Variants in LRBA observed in about 807,000 individuals in gnomAD.
The protein encoded by LRBA is lipopolysaccharide-responsive and beige-like anchor protein.
In LRBA, 176 loss-of-function variants were observed where a neutral mutation model predicts 330.0. That is an observed-to-expected ratio of 0.53 (90% CI 0.47 to 0.60). LRBA has a LOEUF of 0.60. Among genes scored for constraint, LRBA ranks in the 20% least tolerant of loss-of-function variants. LRBA has a pLI of 0.00. For synonymous variants in LRBA, 1,230 were observed against 1,193.0 expected, an observed-to-expected ratio of 1.03 and a Z score of -0.64; for missense variants, 3,259 against 3,444.8, an observed-to-expected ratio of 0.95 and a Z score of 1.35.
intron 40 of LRBA, among the ~76,000 whole-genome samples, chr4:150,511,561 C>T (rs942287232): frequency 2.0e-5 from 3 of 152,164 alleles, no homozygotes; most frequent in African/African-American, 4.8e-5. Flanking sequence ...TCAACGTGCA[C>T]CACCAAGGAG....
chr4:150,833,157 A>C (rs1267276886), intron 28 of LRBA, among the ~76,000 whole-genome samples: 1 of 152,066 alleles, frequency 6.6e-6, no homozygotes, highest in Non-Finnish European at 1.5e-5. Flanking sequence ...ATGAGAAAGA[A>C]GACAAACTAG....
chr4:150,962,543 T>G lies in LRBA; in HGVS notation c.217-33478A>C, dbSNP rs1053466383. ...ACCAGAGTGATAAATACCATCAAAATAATACAGGAAAGCATAGAACTTTAA... is the reference window on the plus strand; with the variant it reads ...ACCAGAGTGATAAATACCATCAAAAGAATACAGGAAAGCATAGAACTTTAA... On this transcript the variant is annotated intron_variant, in intron 2 of 56. Coordinates refer to ENST00000651943, the MANE Select transcript of LRBA (RefSeq NM_001364905.1). Among the ~76,000 whole-genome samples, 3 of 147,756 alleles carry G rather than the reference T, an allele frequency of 2.0e-5. No individual in the cohort carries two copies. The South Asian group carries it at 6.3e-4, about 31-fold the overall frequency.
rs556087030 is a variant in LRBA at position 150,682,338 on chromosome 4, G to A, written c.5921+1213C>T. ...AAGGCACCAGAGATCACTGACCCAT[G>A]AATAGATGTTATTTCCATAACCACT... On this transcript the variant is annotated intron_variant, in intron 37 of 56. Coordinates refer to ENST00000651943, the MANE Select transcript of LRBA (RefSeq NM_001364905.1). 2.0e-3 allele frequency among the ~76,000 whole-genome samples: 299 copies of A among 152,246 alleles called. 2 individuals are homozygous for A. The highest frequency in any genetic ancestry group is 7.0e-3 in the African/African-American group (291 of 41,558).
chr4:150,864,942 C>T (rs1202257955), intron 22 of LRBA, among the ~76,000 whole-genome samples: 2 of 152,044 alleles, frequency 1.3e-5, no homozygotes, highest in Admixed American at 6.6e-5. Flanking sequence ...GGCCTCCCTC[C>T]CAAGGTCTTT....
intron 46 of LRBA, among the ~76,000 whole-genome samples, chr4:150,424,611 G>A (rs752641246): frequency 6.6e-6 from 1 of 151,242 alleles, no homozygotes; most frequent in African/African-American, 2.4e-5. Flanking sequence ...CAGGGAGCAC[G>A]TGCGCGCGTG....
chr4:150,955,627 C>A (rs1054058084), intron 2 of LRBA, among the ~76,000 whole-genome samples: 3 of 148,312 alleles, frequency 2.0e-5, no homozygotes, highest in Non-Finnish European at 2.9e-5. Flanking sequence ...CGCCGTGGCT[C>A]ACACCTGTAA....
At chr4:150,914,034 TAC>T (rs1732296047) in intron 9 of LRBA, among the ~76,000 whole-genome samples, 159 bp downstream of exon 9, 2 of 152,234 alleles carry the variant, frequency 1.3e-5, no homozygotes, top group African/African-American at 4.8e-5. Context: ...TTTCAAAATG[TAC>T]AGTTATTATT....
chr4:150,311,498 A>T (rs534160749), intron 51 of LRBA: 19 of 152,324 alleles, frequency 1.2e-4, no homozygotes, highest in African/African-American at 3.8e-4. Context: ...ACAGAAGAAA[A>T]AAAAGTATTC....
intron 28 of LRBA, among the ~76,000 whole-genome samples, chr4:150,835,963 G>A (rs2126846691): frequency 6.6e-6 from 1 of 152,236 alleles, no homozygotes; most frequent in South Asian, 2.1e-4. Flanking sequence ...TTATTATTTT[G>A]AGATACGTCC....
At chr4:150,961,484 G>A (rs551592077) in intron 2 of LRBA, among the ~76,000 whole-genome samples, 1 of 149,130 alleles carries the variant, frequency 6.7e-6, no homozygotes, top group East Asian at 1.9e-4. Flanking sequence ...AATCAACATT[G>A]ATATATTTCA....
chr4:150,763,768 T>G (rs887166035), intron 34 of LRBA, among the ~76,000 whole-genome samples: 1 of 151,240 alleles, frequency 6.6e-6, no homozygotes, highest in Admixed American at 6.6e-5. Flanking sequence ...ACAAGAACAG[T>G]AGAACAGGAA....
intron 48 of LRBA, among the ~76,000 whole-genome samples, chr4:150,328,825 G>A (rs551996203): frequency 2.6e-5 from 4 of 152,070 alleles, no homozygotes; most frequent in Non-Finnish European, 5.9e-5. Context: ...GGGCAGTAAC[G>A]CCAACTATGA....
intron 10 of LRBA, 55 bp from the exon 11 acceptor site, chr4:150,908,522 T>A: frequency 1.3e-6 from 2 of 1,524,160 alleles, no homozygotes; most frequent in South Asian, 2.5e-5. Context: ...CCAAAACAAT[T>A]AAAAATAAGG....
At chr4:150,742,175 T>C (rs1288177567) in intron 35 of LRBA, among the ~76,000 whole-genome samples, 1 of 149,202 alleles carries the variant, frequency 6.7e-6, no homozygotes, top group East Asian at 2.0e-4. Context: ...GGACAGAGTC[T>C]CGCTCTGTCA....
At chr4:150,503,237 G>A (rs1760540282) in intron 40 of LRBA, among the ~76,000 whole-genome samples, 1 of 152,228 alleles carries the variant, frequency 6.6e-6, no homozygotes, top group Non-Finnish European at 1.5e-5. Flanking sequence ...TGAGATCTGA[G>A]AACAGGCAGA....
chr4:150,842,492 T>C (rs1428950559), intron 28 of LRBA, among the ~76,000 whole-genome samples: 1 of 152,102 alleles, frequency 6.6e-6, no homozygotes. Flanking sequence ...CTAGGAAATA[T>C]AAAGTTATGG....
chr4:150,875,757 A>G (rs1753955109), intron 17 of LRBA, among the ~76,000 whole-genome samples: 1 of 152,238 alleles, frequency 6.6e-6, no homozygotes, highest in African/African-American at 2.4e-5. Flanking sequence ...CATGAAAATT[A>G]TTACAAAAGT....
intron 40 of LRBA, among the ~76,000 whole-genome samples, chr4:150,568,195 A>G (rs997156092): frequency 6.6e-6 from 1 of 152,134 alleles, no homozygotes; most frequent in East Asian, 1.9e-4. Context: ...AAAAAAATAA[A>G]TCAGAGAGAG....
chr4:150,639,359 A>AT (rs1172428102), intron 37 of LRBA, among the ~76,000 whole-genome samples: 3 of 95,662 alleles, frequency 3.1e-5, no homozygotes, highest in Non-Finnish European at 6.7e-5. Flanking sequence ...TTAAAGTATA[A>AT]TAAAAAAAAA....
Sources: gnomAD v4.1 joint callset for allele counts (sites outside exome capture counted in the v4.1 genomes callset) on GRCh38, gnomAD v4.1.1 for gene constraint, MANE v1.5 for transcripts, NCBI Gene and HGNC (gene_info 2026-07-23, HGNC 2026-07-21) for gene names.